ADAMTSL1: variants seen among roughly 807,000 people sequenced by gnomAD.
The protein encoded by ADAMTSL1 is ADAMTS-like protein 1.
Under a neutral mutation model 201.8 loss-of-function variants are expected in ADAMTSL1, and 126 were observed. The ratio of observed to expected loss-of-function variants is 0.62; its 90% CI spans 0.54 to 0.72. ADAMTSL1 has a LOEUF of 0.72. Ranked by LOEUF, ADAMTSL1 falls within the 30% of genes least tolerant of loss-of-function variation. ADAMTSL1 has a pLI of 0.00. For missense variants in ADAMTSL1, 2,679 were observed against 2,277.8 expected (o/e 1.18, Z -3.59); for synonymous variants, 1,121 against 903.4 (o/e 1.24, Z -4.32).
chr9:18,520,920 C>T (rs1265982412), intron 2 of ADAMTSL1, among the ~76,000 whole-genome samples: 1 of 152,130 alleles, frequency 6.6e-6, no homozygotes, highest in African/African-American at 2.4e-5. Context: ...GATTCAGGGA[C>T]CTTTCATCTA....
chr9:18,797,786 GAAA>G (rs1822522972), intron 20 of ADAMTSL1, among the ~76,000 whole-genome samples: 1 of 152,160 alleles, frequency 6.6e-6, no homozygotes, highest in African/African-American at 2.4e-5. Context: ...TTGCACGTGT[GAAA>G]AAGCACTTAA....
intron 2 of ADAMTSL1, among the ~76,000 whole-genome samples, chr9:18,211,114 C>T (rs1199626330): frequency 6.6e-6 from 1 of 152,112 alleles, no homozygotes; most frequent in Non-Finnish European, 1.5e-5. Flanking sequence ...ATTTAATGGT[C>T]CCAAATTTTT....
intron 23 of ADAMTSL1, among the ~76,000 whole-genome samples, chr9:18,846,855 G>A (rs558433438): frequency 1.3e-4 from 20 of 152,314 alleles, no homozygotes; most frequent in Admixed American, 9.1e-4. Flanking sequence ...ATCAGCCATA[G>A]AATGAACAGA....
At chr9:18,183,559 C>G (rs528551947) in intron 2 of ADAMTSL1, among the ~76,000 whole-genome samples, 1 of 152,110 alleles carries the variant, frequency 6.6e-6, no homozygotes. Flanking sequence ...GGGCCAAAGA[C>G]CTTAACAGAT....
At chr9:18,414,371 A>T (rs1473935757) in intron 2 of ADAMTSL1, among the ~76,000 whole-genome samples, 1 of 152,238 alleles carries the variant, frequency 6.6e-6, no homozygotes, top group Non-Finnish European at 1.5e-5. Flanking sequence ...TATAATCTTT[A>T]TGTATTTTTT....
intron 2 of ADAMTSL1, among the ~76,000 whole-genome samples, chr9:18,313,017 G>A (rs1398051946): frequency 6.6e-6 from 1 of 152,202 alleles, no homozygotes; most frequent in Non-Finnish European, 1.5e-5. Flanking sequence ...CTTTTATACA[G>A]ATCAAACTCA....
At chr9:18,274,214 T>A (rs953082742) in intron 2 of ADAMTSL1, among the ~76,000 whole-genome samples, 1 of 152,236 alleles carries the variant, frequency 6.6e-6, no homozygotes, top group Non-Finnish European at 1.5e-5. Flanking sequence ...TTTATCCCTA[T>A]CGCTACGCAT....
At chr9:18,656,358 A>C (rs895009234) in intron 7 of ADAMTSL1, among the ~76,000 whole-genome samples, 14 of 152,072 alleles carry the variant, frequency 9.2e-5, no homozygotes, top group Admixed American at 4.6e-4. Flanking sequence ...TTGGCCAGGC[A>C]CGGTGGCTCA....
intron 4 of ADAMTSL1, among the ~76,000 whole-genome samples, chr9:18,620,129 A>G (rs565157689): frequency 6.9e-6 from 1 of 145,804 alleles, no homozygotes; most frequent in Non-Finnish European, 1.5e-5. Flanking sequence ...CCTCCCTTCC[A>G]TTGTTAACTC....
intron 2 of ADAMTSL1, among the ~76,000 whole-genome samples, chr9:18,321,307 CA>C (rs1206856680): frequency 6.6e-6 from 1 of 152,036 alleles, no homozygotes; most frequent in Non-Finnish European, 1.5e-5. Context: ...ATGTAGAGAG[CA>C]AAAACTGACA....
At position 18,463,570 on chromosome 9, in the gene ADAMTSL1, C is replaced by A. The variant is rs368505844; in HGVS notation, c.208-41259C>A. Among the ~76,000 whole-genome samples the A allele has an allele frequency of 9.9e-5, 15 of 152,258 alleles. No individual in the cohort carries two copies. In the East Asian group the frequency reaches 2.3e-3, roughly 24 times the overall value. On this transcript the variant is annotated intron_variant, in intron 2 of 29. Coordinates refer to the ADAMTSL1 transcript ENST00000680146. Reference sequence around the variant, plus strand: ...ATTCCCCCTTCCCTCAGGCTCCTAGCAATCACCATTCTACTCCCTGTCTCT... The same window carrying A: ...ATTCCCCCTTCCCTCAGGCTCCTAGAAATCACCATTCTACTCCCTGTCTCT...
chr9:18,105,994 G>A (rs981909705), intron 1 of ADAMTSL1, among the ~76,000 whole-genome samples: 9 of 152,170 alleles, frequency 5.9e-5, no homozygotes, highest in Admixed American at 2.6e-4. Flanking sequence ...TCGGTCAGGA[G>A]ATTATTTTAT....
intron 20 of ADAMTSL1, among the ~76,000 whole-genome samples, chr9:18,808,825 C>G (rs574507834): frequency 6.6e-6 from 1 of 152,336 alleles, no homozygotes; most frequent in Admixed American, 6.5e-5. Context: ...GATCTGGGCT[C>G]CAGTTCAGCC....
intron 1 of ADAMTSL1, among the ~76,000 whole-genome samples, chr9:18,477,331 A>G (rs897238620): frequency 6.6e-6 from 1 of 152,222 alleles, no homozygotes; most frequent in Non-Finnish European, 1.5e-5. Context: ...TGCAAGAGTA[A>G]CACTAGGAAT....
intron 2 of ADAMTSL1, among the ~76,000 whole-genome samples, chr9:18,437,764 G>A (rs1193062164): frequency 6.6e-6 from 1 of 152,052 alleles, no homozygotes; most frequent in Non-Finnish European, 1.5e-5. Context: ...TTAAATACCA[G>A]TATTAACCCC....
rs1450699026 is a variant in ADAMTSL1 at position 18,198,346 on chromosome 9, C to T, written c.207+34365C>T. Among the ~76,000 whole-genome samples, 379 of 144,918 alleles carry T rather than the reference C, an allele frequency of 2.6e-3. 1 individual carries two copies. The highest frequency in any genetic ancestry group is 7.0e-3 in the Middle Eastern group (2 of 286). On this transcript the variant is annotated intron_variant, in intron 2 of 29. Transcript: ENST00000680146. Reference sequence around the variant, plus strand: ...AACCTACAAAATGGGAGAAAATTTTCGCAACCTACTCATCTGACAAAGGGC... The same window carrying T: ...AACCTACAAAATGGGAGAAAATTTTTGCAACCTACTCATCTGACAAAGGGC...
At chr9:18,323,695 C>G (rs894208104) in intron 2 of ADAMTSL1, among the ~76,000 whole-genome samples, 1 of 152,074 alleles carries the variant, frequency 6.6e-6, no homozygotes, top group African/African-American at 2.4e-5. Flanking sequence ...TGTATACTAT[C>G]AACAAATAAT....
At chr9:18,228,368 A>G (rs946136509) in intron 2 of ADAMTSL1, among the ~76,000 whole-genome samples, 3 of 152,160 alleles carry the variant, frequency 2.0e-5, no homozygotes, top group East Asian at 1.9e-4. Flanking sequence ...AAATCCTCTC[A>G]TGCTGCTTGG....
chr9:18,202,286 GAAC>G (rs1357367002), intron 2 of ADAMTSL1, among the ~76,000 whole-genome samples: 1 of 152,086 alleles, frequency 6.6e-6, no homozygotes, highest in Non-Finnish European at 1.5e-5. Flanking sequence ...CAGTTTGAAA[GAAC>G]AACAACAAAA....
Sources: allele counts gnomAD v4.1 joint callset (sites outside exome capture counted in the v4.1 genomes callset), GRCh38; gene constraint gnomAD v4.1.1; transcripts MANE v1.5; gene names NCBI Gene and HGNC (gene_info 2026-07-23, HGNC 2026-07-21).